PRKCH: variants seen among roughly 807,000 people sequenced by gnomAD.
The protein encoded by PRKCH is protein kinase C eta type.
In PRKCH, 28 loss-of-function variants were observed where a neutral mutation model predicts 82.5. That is an observed-to-expected ratio of 0.34 (90% CI 0.25 to 0.47). The LOEUF is 0.47. Among genes scored for constraint, PRKCH ranks in the 20% least tolerant of loss-of-function variants. The pLI is 1.00. For synonymous variants in PRKCH, 322 were observed against 327.4 expected (o/e 0.98, Z 0.18); for missense variants, 705 against 881.8 (o/e 0.80, Z 2.54).
chr14:61,406,705 C>G (rs1881969319), intron 2 of PRKCH, among the ~76,000 whole-genome samples: 1 of 152,030 alleles, frequency 6.6e-6, no homozygotes, highest in Non-Finnish European at 1.5e-5. Flanking sequence ...TTCTTAGAAC[C>G]AAGAATGGAT....
chr14:61,449,139 A>G lies in PRKCH; in HGVS notation c.614-25A>G, dbSNP rs367908900. The G allele has an allele frequency of 4.4e-6, 7 of 1,600,904 alleles. No individual in the cohort carries two copies. The African/African-American group carries it at 9.4e-5, about 21-fold the overall frequency. On this transcript the variant is annotated intron_variant, in intron 4 of 13. Coordinates refer to ENST00000332981, the MANE Select transcript of PRKCH (RefSeq NM_006255.5). Reference sequence around the variant, plus strand: ...TGGACTGTGAGCTTCTGATAAATGTATAATTGCTGGATTTAATTTCCTAGT... The same window carrying G: ...TGGACTGTGAGCTTCTGATAAATGTGTAATTGCTGGATTTAATTTCCTAGT...
Position 61,443,674 on chromosome 14 carries a change from T to G in PRKCH, c.578+413T>G, listed in dbSNP as rs548004993. Among the ~76,000 whole-genome samples the G allele has an allele frequency of 8.9e-4, 135 of 152,340 alleles. 1 individual carries two copies. The highest frequency in any genetic ancestry group is 3.2e-3 in the African/African-American group (131 of 41,580). ...TGGAAATTAATGGTTGCGAGAAAAC[T>G]AAACACAAAGTAGTCTTCGGCCTCT... On this transcript the variant is annotated intron_variant, in intron 3 of 13. Coordinates refer to ENST00000332981, the MANE Select transcript of PRKCH (RefSeq NM_006255.5).
chr14:61,429,779 T>A (rs1957892), intron 2 of PRKCH, among the ~76,000 whole-genome samples: 88,771 of 151,986 alleles, frequency 0.58, 27,564 homozygotes, highest in Non-Finnish European at 0.7. Flanking sequence ...ATTAAAATTT[T>A]AAAATATTAA....
At chr14:61,327,839 T>G (rs2045718322) in intron 1 of PRKCH, among the ~76,000 whole-genome samples, 1 of 152,248 alleles carries the variant, frequency 6.6e-6, no homozygotes, top group African/African-American at 2.4e-5. Flanking sequence ...AAAGTGTAAG[T>G]ACTTTGGGAG....
intron 1 of PRKCH, among the ~76,000 whole-genome samples, chr14:61,382,313 C>G (rs2046522850): frequency 6.6e-6 from 1 of 151,996 alleles, no homozygotes; most frequent in African/African-American, 2.4e-5. Flanking sequence ...ACCCATAATC[C>G]CAGCTACACT....
At chr14:61,505,587 C>A (rs1887114273) in intron 10 of PRKCH, among the ~76,000 whole-genome samples, 1 of 151,390 alleles carries the variant, frequency 6.6e-6, no homozygotes, top group Non-Finnish European at 1.5e-5. Flanking sequence ...GTTGGTCAGG[C>A]TAATCTCGAA....
intron 9 of PRKCH, among the ~76,000 whole-genome samples, chr14:61,483,713 A>G (rs1886084897): frequency 6.6e-6 from 1 of 152,166 alleles, no homozygotes; most frequent in Non-Finnish European, 1.5e-5. Context: ...ATGTGTGGAA[A>G]CACCCTGTGC....
At chr14:61,498,910 A>G (rs1886776077) in intron 10 of PRKCH, among the ~76,000 whole-genome samples, 1 of 152,174 alleles carries the variant, frequency 6.6e-6, no homozygotes, top group Admixed American at 6.5e-5. Context: ...CAGTTACATT[A>G]AGCAACATGT....
intron 2 of PRKCH, among the ~76,000 whole-genome samples, chr14:61,396,366 G>T (rs1392569807): frequency 6.6e-6 from 1 of 152,056 alleles, no homozygotes; most frequent in Non-Finnish European, 1.5e-5. Flanking sequence ...ATTAGCTCAG[G>T]CAAAACTATT....
At chr14:61,395,290 G>GCCCCCCCCCCCCCCCC (rs5809093) in intron 2 of PRKCH, among the ~76,000 whole-genome samples, 1 of 124,258 alleles carries the variant, frequency 8.0e-6, no homozygotes, top group Non-Finnish European at 1.7e-5. Flanking sequence ...AGGAAATGGA[G>GCCCCCCCCCCCCCCCC]CCCCCCCCCG....
intron 10 of PRKCH, among the ~76,000 whole-genome samples, chr14:61,502,081 TTC>T (rs1491208477): frequency 0.17 from 4,126 of 23,616 alleles, 523 homozygotes; most frequent in African/African-American, 0.34. Flanking sequence ...TTTTTTTTTT[TTC>T]CGAGATGGAG....
At chr14:61,385,493 C>T (rs962867486) in intron 1 of PRKCH, among the ~76,000 whole-genome samples, 10 of 152,212 alleles carry the variant, frequency 6.6e-5, no homozygotes, top group Non-Finnish European at 1.0e-4. Flanking sequence ...TCATTGCAAG[C>T]TCAGCCTGGG....
intron 1 of PRKCH, among the ~76,000 whole-genome samples, chr14:61,369,622 T>C (rs1157636152): frequency 6.6e-6 from 1 of 152,122 alleles, no homozygotes; most frequent in African/African-American, 2.4e-5. Flanking sequence ...ACTGACTGTT[T>C]TGTGGAATGT....
intron 1 of PRKCH, among the ~76,000 whole-genome samples, chr14:61,223,353 TGGTTTG>T (rs1206166044): frequency 6.6e-6 from 1 of 152,236 alleles, no homozygotes; most frequent in African/African-American, 2.4e-5. Context: ...GTTTGACTTT[TGGTTTG>T]GGTTTAAAAT....
chr14:61,399,619 T>G (rs183595114), intron 2 of PRKCH, among the ~76,000 whole-genome samples: 1 of 152,236 alleles, frequency 6.6e-6, no homozygotes, highest in African/African-American at 2.4e-5. Context: ...GACAAGTAGA[T>G]TATCTCCTAC....
Position 61,385,472 on chromosome 14 carries a change from GAGGTTTT to G in PRKCH, c.364-5750_364-5744del, listed in dbSNP as rs369345373. 2.5e-3 allele frequency among the ~76,000 whole-genome samples: 387 copies of G among 152,348 alleles called. 1 individual carries two copies. Among genetic ancestry groups the G allele is most frequent in the African/African-American group, 8.8e-3 (364 of 41,590 alleles). ...CCTTATGGCAGCTAGAAAAGATGCA[GAGGTTTT>G]AGTTCATTGCAAGCTCAGCCTGGGT... On this transcript the variant is annotated intron_variant, in intron 1 of 13. Transcript: ENST00000332981.
intron 12 of PRKCH, among the ~76,000 whole-genome samples, chr14:61,532,763 C>T (rs1362538967): frequency 6.6e-6 from 1 of 152,192 alleles, no homozygotes; most frequent in Non-Finnish European, 1.5e-5. Flanking sequence ...ATGGTCTTTC[C>T]TCCAAGAGGA....
At chr14:61,257,629 A>ACC (rs71117804) in intron 1 of PRKCH, among the ~76,000 whole-genome samples, 1 of 113,514 alleles carries the variant, frequency 8.8e-6, no homozygotes, top group African/African-American at 4.0e-5. Flanking sequence ...ACACACACAC[A>ACC]CCCCCACACA....
rs755653210 is a variant in PRKCH at position 61,322,162 on chromosome 14, G to C, written c.61G>C (p.Gly21Arg). The change falls in exon 1 of 14, where the codon GGG becomes CGG. Residue 21 changes from glycine (G) to arginine (R), a missense_variant. Coordinates refer to ENST00000332981, the MANE Select transcript of PRKCH (RefSeq NM_006255.5). ...GAGGGTCCGCATCGGTGAGGCAGTG[G>C]GGCTGCAGCCCACCCGCTGGTCCCT... The part of the protein sequence containing the change: ...YLRVRIGEAV[G>R]LQPTRWSLRH... 1 of 1,609,532 alleles carries C rather than the reference G, an allele frequency of 6.2e-7. No homozygotes were observed. Among genetic ancestry groups the C allele is most frequent in the South Asian group, 1.1e-5 (1 of 90,286 alleles).
Sources: allele counts gnomAD v4.1 joint callset (sites outside exome capture counted in the v4.1 genomes callset), GRCh38; gene constraint gnomAD v4.1.1; transcripts MANE v1.5; gene names NCBI Gene and HGNC (gene_info 2026-07-23, HGNC 2026-07-21).